LIMCH1: variants seen among roughly 807,000 people sequenced by gnomAD.
LIMCH1 encodes LIM and calponin homology domains-containing protein 1.
A neutral mutation model predicts 176.5 loss-of-function variants in LIMCH1; 113 were observed. The ratio of observed to expected loss-of-function variants is 0.64; its 90% CI spans 0.55 to 0.75. LIMCH1 has a LOEUF of 0.75. LIMCH1 is among the 30% of genes least tolerant of loss of function. The pLI is 0.00. For synonymous variants in LIMCH1, 619 were observed against 645.9 expected, an observed-to-expected ratio of 0.96 and a Z score of 0.63; for missense variants, 1,674 against 1,814.9, an observed-to-expected ratio of 0.92 and a Z score of 1.41.
At chr4:41,615,915 G>A (rs1427310282) in intron 5 of LIMCH1, among the ~76,000 whole-genome samples, 1 of 152,208 alleles carries the variant, frequency 6.6e-6, no homozygotes, top group Non-Finnish European at 1.5e-5. Flanking sequence ...GAAGCATCAT[G>A]ATTCTGTGGG....
At position 41,654,717 on chromosome 4, in the gene LIMCH1, G is replaced by T. The variant is rs1264093410; in HGVS notation, c.3036+4109G>T. ...AGGGGCTATTCTACACACCAGAAAG[G>T]GCAGAATCAAAGGCATGGACAATGG... is the stretch of plus-strand genomic sequence containing the variant. On this transcript the variant is annotated intron_variant, in intron 18 of 31. Coordinates refer to ENST00000503057, the MANE Select transcript of LIMCH1 (RefSeq NM_001330672.2). Among the ~76,000 whole-genome samples the T allele has an allele frequency of 3.3e-5, 5 of 152,216 alleles. No homozygotes were observed. The East Asian group carries it at 9.7e-4, about 29-fold the overall frequency.
rs1323985459 is a variant in LIMCH1, at chr4:41,620,617, G to T, written c.652G>T (p.Ala218Ser). 6.5e-7 allele frequency: 1 copy of T among 1,536,192 alleles called. No individual in the cohort carries two copies. Among genetic ancestry groups the T allele is most frequent in the Non-Finnish European group, 8.7e-7 (1 of 1,146,924 alleles). Residue 218 changes from alanine (A) to serine (S), a missense_variant, in exon 7 of 32, where the codon GCT (alanine) becomes TCT (serine). By Grantham distance (99) the Ala-to-Ser change is moderately conservative. This residue lies in a region of LIMCH1 where 655 missense variants were observed against 692.2 expected (regional missense o/e 0.95). Transcript: ENST00000503057. ...PAPKSEEKDA[A>S]EIQKRKRLEQ... Reference sequence around the variant, plus strand: ...TCCCAAGTCTGAAGAAAAAGATGCTGCTGAGATCCAAAAGCGCAAAAGGCT... The same window carrying T: ...TCCCAAGTCTGAAGAAAAAGATGCTTCTGAGATCCAAAAGCGCAAAAGGCT...
At chr4:41,591,036 A>T (rs1159483328) in intron 1 of LIMCH1, among the ~76,000 whole-genome samples, 2 of 152,172 alleles carry the variant, frequency 1.3e-5, no homozygotes, top group East Asian at 3.9e-4. Context: ...AATGTAGAAA[A>T]CCTAACCAAA....
chr4:41,466,525 TACCAAGGCTTAG>T (rs2066140907), intron 1 of LIMCH1, among the ~76,000 whole-genome samples: 1 of 152,214 alleles, frequency 6.6e-6, no homozygotes, highest in Non-Finnish European at 1.5e-5. Flanking sequence ...AATTTATGAC[TACCAAGGCTTAG>T]AAACAGTTCG....
intron 22 of LIMCH1, among the ~76,000 whole-genome samples, chr4:41,672,262 CAG>C (rs975779277): frequency 2.6e-5 from 4 of 151,994 alleles, no homozygotes; most frequent in African/African-American, 7.3e-5. Flanking sequence ...CCCAGCTACT[CAG>C]GGGGCTGAGG....
At chr4:41,573,238 A>G (rs1024806990) in intron 1 of LIMCH1, among the ~76,000 whole-genome samples, 5 of 152,268 alleles carry the variant, frequency 3.3e-5, no homozygotes, top group African/African-American at 9.6e-5. Flanking sequence ...TAGCTGAGAA[A>G]GTCAACAGCA....
chr4:41,452,969 AT>A (rs1435254866), intron 1 of LIMCH1, among the ~76,000 whole-genome samples: 1 of 152,150 alleles, frequency 6.6e-6, no homozygotes, highest in East Asian at 1.9e-4. Context: ...CTTGATAAAT[AT>A]TTGAGTGAAT....
chr4:41,520,009 C>T (rs760473951), intron 2 of LIMCH1, among the ~76,000 whole-genome samples: 40 of 152,166 alleles, frequency 2.6e-4, no homozygotes, highest in Non-Finnish European at 4.3e-4. Context: ...TATCTATGCT[C>T]TCTGATACCT....
At chr4:41,644,939 T>C (rs557074801) in intron 15 of LIMCH1, among the ~76,000 whole-genome samples, 2 of 152,332 alleles carry the variant, frequency 1.3e-5, no homozygotes, top group South Asian at 2.1e-4. Context: ...ATATTTCAAA[T>C]TGATCATGAT....
intron 18 of LIMCH1, among the ~76,000 whole-genome samples, chr4:41,654,293 T>C (rs1298732153): frequency 1.3e-5 from 2 of 152,176 alleles, no homozygotes; most frequent in African/African-American, 4.8e-5. Flanking sequence ...GGCATGGTTG[T>C]GAGTGAGCCG....
intron 31 of LIMCH1, chr4:41,692,882 G>A (rs1369161454): frequency 6.5e-6 from 1 of 152,830 alleles, no homozygotes; most frequent in Non-Finnish European, 1.5e-5. Flanking sequence ...CAACAATGAG[G>A]GTTCCACTTC....
chr4:41,436,473 A>G (rs187236220), intron 1 of LIMCH1, among the ~76,000 whole-genome samples: 1 of 152,302 alleles, frequency 6.6e-6, no homozygotes, highest in Admixed American at 6.5e-5. Context: ...ATTAAGAATA[A>G]TCTTTGTGAG....
intron 13 of LIMCH1, among the ~76,000 whole-genome samples, chr4:41,635,013 A>G (rs2093508245): frequency 1.3e-5 from 2 of 152,178 alleles, no homozygotes; most frequent in Non-Finnish European, 2.9e-5. Flanking sequence ...GGATACATTT[A>G]GGCGCTCTCC....
chr4:41,631,086 T>C, intron 9 of LIMCH1, 62 bp from the exon 10 acceptor site: 1 of 1,334,298 alleles, frequency 7.5e-7, no homozygotes, highest in South Asian at 1.8e-5. Context: ...TGTTTTTTTT[T>C]TAAAAACCTC....
intron 1 of LIMCH1, among the ~76,000 whole-genome samples, chr4:41,491,107 C>T (rs1189376616): frequency 6.7e-6 from 1 of 148,766 alleles, no homozygotes; most frequent in Non-Finnish European, 1.5e-5. Flanking sequence ...CAGAGGCGCT[C>T]CTCACCTCCC....
intron 1 of LIMCH1, among the ~76,000 whole-genome samples, chr4:41,557,447 T>C (rs1008950501): frequency 2.0e-5 from 3 of 152,096 alleles, no homozygotes; most frequent in Non-Finnish European, 2.9e-5. Context: ...TTTAAAAAGG[T>C]ATCCAGGGAA....
chr4:41,361,042 CT>C, intron 1 of LIMCH1: 3 of 681,262 alleles, frequency 4.4e-6, no homozygotes. Flanking sequence ...ACCGCCCCCA[CT>C]TTCTTTTGCC....
In LIMCH1 at chr4:41,480,603, C is replaced by CA. The variant is rs921630149; in HGVS notation, c.97-13925dup. 9.2e-5 allele frequency among the ~76,000 whole-genome samples: 14 copies of CA among 151,516 alleles called. No homozygotes were observed. In the Middle Eastern group the frequency reaches 0.01, roughly 110 times the overall value. ...GCCTGGAGACAGAGTGAGATTCCGTCAAAAAAAAGCCAACAACTAAAATGT... is the reference window on the plus strand; with the variant it reads ...GCCTGGAGACAGAGTGAGATTCCGTCAAAAAAAAAGCCAACAACTAAAATGT... On this transcript the variant is annotated intron_variant, in intron 1 of 26. Transcript: ENST00000313860.
At chr4:41,664,148 A>G (rs1194951134) in intron 20 of LIMCH1, among the ~76,000 whole-genome samples, 2 of 152,206 alleles carry the variant, frequency 1.3e-5, no homozygotes, top group East Asian at 1.9e-4. Flanking sequence ...GGTAATTTTA[A>G]TGGGCCACCA....
Sources: allele counts gnomAD v4.1 joint callset (sites outside exome capture counted in the v4.1 genomes callset), GRCh38; gene constraint gnomAD v4.1.1; regional missense constraint gnomAD v4.1.1; transcripts MANE v1.5; gene names NCBI Gene and HGNC (gene_info 2026-07-23, HGNC 2026-07-21).